Variants in RELN observed in about 807,000 individuals in gnomAD.
RELN encodes reelin.
In RELN, 108 loss-of-function variants were observed where a neutral mutation model predicts 427.6. The observed-to-expected ratio is 0.25, with a 90% CI of 0.22 to 0.30. The LOEUF (loss-of-function observed/expected upper bound fraction) is 0.30, where lower values mean the gene tolerates loss of function less well. Ranked by LOEUF, RELN falls within the 10% of genes least tolerant of loss-of-function variation. RELN has a pLI of 1.00. For missense variants in RELN, 3,715 were observed against 4,302.8 expected (o/e 0.86, Z 3.82); for synonymous variants, 1,524 against 1,513.4 (o/e 1.01, Z -0.16).
intron 4 of RELN, among the ~76,000 whole-genome samples, chr7:103,762,077 A>G (rs1054360180): frequency 6.6e-6 from 1 of 152,126 alleles, no homozygotes; most frequent in African/African-American, 2.4e-5. Context: ...GCGCCCCCCT[A>G]TAGCTTCCTG....
chr7:103,544,455 G>A (rs1053852767), intron 42 of RELN, among the ~76,000 whole-genome samples: 4 of 151,738 alleles, frequency 2.6e-5, no homozygotes, highest in Admixed American at 1.3e-4. Flanking sequence ...TCGAATTCCC[G>A]ACCTCGTGAT....
intron 6 of RELN, among the ~76,000 whole-genome samples, chr7:103,729,920 T>C (rs1790310326): frequency 6.6e-6 from 1 of 152,062 alleles, no homozygotes. Flanking sequence ...TTAGGGTTTT[T>C]TTTTTCCATA....
intron 20 of RELN, among the ~76,000 whole-genome samples, chr7:103,612,942 A>C (rs1831995083): frequency 6.6e-6 from 1 of 152,208 alleles, no homozygotes; most frequent in South Asian, 2.1e-4. Context: ...AATCACACTA[A>C]AGTTTGTCCA....
intron 1 of RELN, among the ~76,000 whole-genome samples, chr7:103,954,094 A>G (rs56871838): frequency 0.09 from 13,666 of 151,874 alleles, 1,220 homozygotes; most frequent in East Asian, 0.22. Flanking sequence ...TACTAAAAAT[A>G]AAATTAAAAA....
chr7:103,838,556 C>CAAGGAGACT (rs1483825062), intron 2 of RELN, among the ~76,000 whole-genome samples: 1 of 152,022 alleles, frequency 6.6e-6, no homozygotes, highest in Non-Finnish European at 1.5e-5. Flanking sequence ...ACAGAGTGCC[C>CAAGGAGACT]AAGGAGACTC....
chr7:103,778,302 A>G (rs1036246488), intron 3 of RELN, among the ~76,000 whole-genome samples: 10 of 152,178 alleles, frequency 6.6e-5, no homozygotes, highest in Non-Finnish European at 1.2e-4. Flanking sequence ...TACACTTCCA[A>G]TAGCAACACA....
At chr7:103,730,842 T>G (rs1291262202) in intron 6 of RELN, among the ~76,000 whole-genome samples, 1 of 152,090 alleles carries the variant, frequency 6.6e-6, no homozygotes, top group Non-Finnish European at 1.5e-5. Context: ...TGCCCATCCC[T>G]CTAGGAGGTC....
chr7:103,767,208 G>C (rs1489414039), intron 4 of RELN, among the ~76,000 whole-genome samples: 6 of 152,198 alleles, frequency 3.9e-5, no homozygotes, highest in African/African-American at 1.4e-4. Flanking sequence ...TGTAGATTTA[G>C]GGCACCAAAG....
intron 28 of RELN, among the ~76,000 whole-genome samples, chr7:103,578,141 T>G (rs1831045584): frequency 6.6e-6 from 1 of 152,204 alleles, no homozygotes; most frequent in African/African-American, 2.4e-5. Context: ...ATTCTTGGGC[T>G]CTTATAGTTT....
chr7:103,574,195 C>A lies in RELN; in HGVS notation c.4408G>T (p.Val1470Phe). The A allele has an allele frequency of 6.2e-7, 1 of 1,614,194 alleles. No homozygotes were observed. The highest frequency in any genetic ancestry group is 8.5e-7 in the Non-Finnish European group (1 of 1,180,034). The part of the protein sequence containing the change: ...PLWYKITGAQ[V>F]GTGCGTLNDG... ...TTAAGTGTTCCACAGCCAGTTCCAACCTGGGCACCTGTTATCTTGTACCAC... is the reference window on the plus strand; with the variant it reads ...TTAAGTGTTCCACAGCCAGTTCCAAACTGGGCACCTGTTATCTTGTACCAC... The change falls in exon 30 of 65, where the codon GTT becomes TTT. Residue 1470 changes from valine to phenylalanine, a missense_variant. By Grantham distance (50) the Val-to-Phe change is conservative. This residue lies in a region of RELN where 2,208 missense variants were observed against 2,361.7 expected (regional missense o/e 0.93). Coordinates refer to ENST00000428762, the MANE Select transcript of RELN (RefSeq NM_005045.4).
At chr7:103,759,174 A>C (rs1248745475) in intron 4 of RELN, among the ~76,000 whole-genome samples, 1 of 152,136 alleles carries the variant, frequency 6.6e-6, no homozygotes, top group African/African-American at 2.4e-5. Context: ...ATGATTTACT[A>C]ATCACCATAA....
intron 3 of RELN, among the ~76,000 whole-genome samples, chr7:103,786,840 G>T (rs1792030541): frequency 6.6e-6 from 1 of 152,014 alleles, no homozygotes; most frequent in South Asian, 2.1e-4. Flanking sequence ...CTCAGTCCTG[G>T]ACCAAGCGGA....
intron 4 of RELN, among the ~76,000 whole-genome samples, chr7:103,753,899 C>T (rs1791067443): frequency 6.6e-6 from 1 of 152,124 alleles, no homozygotes; most frequent in Admixed American, 6.5e-5. Flanking sequence ...AAGAATAATA[C>T]TTGGACATAG....
In RELN at chr7:103,542,648, G is replaced by A. The variant is rs1446084239; in HGVS notation, c.6671+83C>T. 1.2e-5 allele frequency: 17 copies of A among 1,472,218 alleles called. No individual in the cohort carries two copies. The East Asian group carries it at 2.1e-4, about 18-fold the overall frequency. The allele number at this position is 1,472,218 out of a possible 1,614,324, so 91.2% of individuals were successfully genotyped here. ...AATGGAAGGCCTTGTCCTTGAAATC[G>A]CTCTGCTTCCTTCTGATTTGATTAT... On this transcript the variant is annotated intron_variant, in intron 43 of 64. Coordinates refer to ENST00000428762, the MANE Select transcript of RELN (RefSeq NM_005045.4).
chr7:103,753,813 G>A (rs1242083279), intron 4 of RELN, among the ~76,000 whole-genome samples: 1 of 152,152 alleles, frequency 6.6e-6, no homozygotes, highest in African/African-American at 2.4e-5. Flanking sequence ...ATGTCTTGAT[G>A]TTAATTATTT....
chr7:103,987,204 C>G (rs1797121179), intron 1 of RELN, among the ~76,000 whole-genome samples: 1 of 151,984 alleles, frequency 6.6e-6, no homozygotes, highest in Non-Finnish European at 1.5e-5. Context: ...ATAATTTGAC[C>G]TTTCATAACT....
At chr7:103,827,903 C>A (rs958328573) in intron 3 of RELN, among the ~76,000 whole-genome samples, 1 of 152,140 alleles carries the variant, frequency 6.6e-6, no homozygotes, top group African/African-American at 2.4e-5. Context: ...TAGGTACAAT[C>A]ATTTCAGACT....
chr7:103,495,274 G>C (rs1490810969), intron 57 of RELN, among the ~76,000 whole-genome samples: 1 of 146,952 alleles, frequency 6.8e-6, no homozygotes, highest in African/African-American at 2.5e-5. Flanking sequence ...TTATTTCTCA[G>C]CCTCCCAAGT....
chr7:103,862,052 C>T (rs903687820), intron 2 of RELN, among the ~76,000 whole-genome samples: 4 of 152,064 alleles, frequency 2.6e-5, no homozygotes, highest in African/African-American at 9.7e-5. Flanking sequence ...TTGGTGGCTG[C>T]CCATCAGTTA....
Sources: gnomAD v4.1 joint callset for allele counts (sites outside exome capture counted in the v4.1 genomes callset) on GRCh38, gnomAD v4.1.1 for gene constraint, gnomAD v4.1.1 regional missense constraint, MANE v1.5 for transcripts, NCBI Gene and HGNC (gene_info 2026-07-23, HGNC 2026-07-21) for gene names.